The following AGAP1 variants were observed in gnomAD, a reference collection of about 807,000 sequenced individuals.
The protein encoded by AGAP1 is arf-GAP with GTPase, ANK repeat and PH domain-containing protein 1.
A neutral mutation model predicts 105.3 loss-of-function variants in AGAP1; 29 were observed. That is an observed-to-expected ratio of 0.28 (90% CI 0.21 to 0.38). The LOEUF (loss-of-function observed/expected upper bound fraction) is 0.38, where lower values mean the gene tolerates loss of function less well. Among genes scored for constraint, AGAP1 ranks in the 10% least tolerant of loss-of-function variants. AGAP1 has a pLI of 1.00. For synonymous variants in AGAP1, 509 were observed against 485.9 expected (o/e 1.05, Z -0.63); for missense variants, 998 against 1,165.1 (o/e 0.86, Z 2.09).
At chr2:235,758,905 G>A (rs1427434089) in intron 6 of AGAP1, among the ~76,000 whole-genome samples, 7 of 152,124 alleles carry the variant, frequency 4.6e-5, no homozygotes, top group East Asian at 3.9e-4. Flanking sequence ...CCGTCCTCCC[G>A]CCCCAGCCTC....
chr2:235,695,486 T>C (rs760382201), intron 1 of AGAP1, among the ~76,000 whole-genome samples: 4 of 152,196 alleles, frequency 2.6e-5, no homozygotes, highest in Non-Finnish European at 5.9e-5. Context: ...GTCAGTTACA[T>C]GGTGAACAGA....
intron 9 of AGAP1, among the ~76,000 whole-genome samples, chr2:235,862,674 T>G (rs2048979126): frequency 6.6e-6 from 1 of 152,264 alleles, no homozygotes; most frequent in South Asian, 2.1e-4. Flanking sequence ...TTTCTTTCTT[T>G]AATCAGGAGG....
intron 1 of AGAP1, among the ~76,000 whole-genome samples, chr2:235,605,521 C>G (rs1258307122): frequency 2.6e-5 from 4 of 152,232 alleles, no homozygotes; most frequent in Non-Finnish European, 4.4e-5. Context: ...ATCCCGGCAT[C>G]ATTTATCTTC....
At position 236,131,469 on chromosome 2, in the gene AGAP1, AT is replaced by A. The variant is rs2060082753; in HGVS notation, c.*7348del. 1 of 152,146 alleles carries A rather than the reference AT, an allele frequency of 6.6e-6. No homozygotes were observed. Among genetic ancestry groups the A allele is most frequent in the Non-Finnish European group, 1.5e-5 (1 of 68,032 alleles). The allele number at this position is 152,146 out of a possible 1,614,324, so 9.4% of individuals were successfully genotyped here. ...AGAGATGGAAGGGCAGCGTGGGTGT[AT>A]CCACAGATGGGTTTAGGTTTTTTTT... On this transcript the variant is annotated 3_prime_UTR_variant, in exon 18 of 18. Transcript: ENST00000304032. The surrounding 1 kb of genome is among the most constrained non-coding windows in gnomAD (Gnocchi z 5.9).
Position 235,723,119 on chromosome 2 carries a change from C to T in AGAP1, c.310+5475C>T, listed in dbSNP as rs1201760823. Reference sequence around the variant, plus strand: ...CTGGTGTTCTAGAACCTCACAAGGACTCATCGGCTGGCAGTGACCTTCACA... The same window carrying T: ...CTGGTGTTCTAGAACCTCACAAGGATTCATCGGCTGGCAGTGACCTTCACA... On this transcript the variant is annotated intron_variant, in intron 3 of 17. Coordinates refer to ENST00000304032, the MANE Select transcript of AGAP1 (RefSeq NM_001037131.3). This position sits in a 1 kb window ranked among gnomAD's most constrained non-coding sequence, Gnocchi z 6.2. Among the ~76,000 whole-genome samples the T allele has an allele frequency of 6.6e-6, 1 of 152,172 alleles. No homozygotes were observed. Among genetic ancestry groups the T allele is most frequent in the African/African-American group, 2.4e-5 (1 of 41,438 alleles).
Position 235,906,795 on chromosome 2 carries a change from CCTTTT to C in AGAP1, c.1156-1939_1156-1935del, listed in dbSNP as rs1288543439. On this transcript the variant is annotated intron_variant, in intron 10 of 17. Transcript: ENST00000304032. This position sits in a 1 kb window ranked among gnomAD's most constrained non-coding sequence, Gnocchi z 5.3. Reference sequence around the variant, plus strand: ...TGTGTACTTTGTGGCTTTTGTTGTGCCTTTTCTTCTATCAGCAAACATCTACTTGT... The same window carrying C: ...TGTGTACTTTGTGGCTTTTGTTGTGCCTTCTATCAGCAAACATCTACTTGT... 8.9e-4 allele frequency among the ~76,000 whole-genome samples: 134 copies of C among 150,362 alleles called. 4 individuals carry two copies. The South Asian group carries it at 0.027, about 31-fold the overall frequency.
In AGAP1 at chr2:236,061,713, G is replaced by A. The variant is rs1032032105; in HGVS notation, c.2114+12432G>A. ...GTGCAGGGGAGGGAGGGGCAGTGGC[G>A]TATACGGAGTGATTGCCTAATGAGT... On this transcript the variant is annotated intron_variant, in intron 16 of 17. Coordinates refer to ENST00000304032, the MANE Select transcript of AGAP1 (RefSeq NM_001037131.3). This position sits in a 1 kb window ranked among gnomAD's most constrained non-coding sequence, Gnocchi z 4.1. Among the ~76,000 whole-genome samples the A allele has an allele frequency of 3.3e-5, 5 of 152,164 alleles. No homozygotes were observed. The highest frequency in any genetic ancestry group is 2.1e-4 in the South Asian group (1 of 4,802).
At chr2:235,534,681 G>A (rs1371254862) in intron 1 of AGAP1, among the ~76,000 whole-genome samples, 3 of 152,158 alleles carry the variant, frequency 2.0e-5, no homozygotes, top group Non-Finnish European at 4.4e-5. Flanking sequence ...TTTCATTAAA[G>A]CCTCAGGGAT....
At chr2:235,990,193 CTGTTA>C in intron 13 of AGAP1, among the ~76,000 whole-genome samples, 1 of 152,284 alleles carries the variant, frequency 6.6e-6, no homozygotes, top group Non-Finnish European at 1.5e-5. Flanking sequence ...CAAATATTAT[CTGTTA>C]TGTCAAAGTT....
At chr2:235,526,217 T>G (rs933735803) in intron 1 of AGAP1, among the ~76,000 whole-genome samples, 1 of 151,294 alleles carries the variant, frequency 6.6e-6, no homozygotes, top group Admixed American at 6.6e-5. Context: ...GAGGACTGAT[T>G]TATAATGTGG....
At chr2:236,098,727 C>G (rs563756736) in intron 16 of AGAP1, among the ~76,000 whole-genome samples, 1 of 150,340 alleles carries the variant, frequency 6.7e-6, no homozygotes, top group African/African-American at 2.5e-5. Flanking sequence ...TGGGCTCAAG[C>G]GATCCCCCTG....
intron 12 of AGAP1, among the ~76,000 whole-genome samples, chr2:235,948,375 G>A (rs868379248): frequency 4.3e-4 from 66 of 152,114 alleles, no homozygotes; most frequent in African/African-American, 1.5e-3. Flanking sequence ...GTAGAAATGG[G>A]GGTTTCACCA....
rs1160057277 is a variant in AGAP1 at position 235,875,193 on chromosome 2, T to C, written c.1051-8152T>C. Reference sequence around the variant, plus strand: ...TTTCAACCTTACTGGTCCATGGCCCTGTCCTGTTTCTGTATCTGCCAACCA... The same window carrying C: ...TTTCAACCTTACTGGTCCATGGCCCCGTCCTGTTTCTGTATCTGCCAACCA... On this transcript the variant is annotated intron_variant, in intron 9 of 17. Coordinates refer to ENST00000304032, the MANE Select transcript of AGAP1 (RefSeq NM_001037131.3). This position sits in a 1 kb window ranked among gnomAD's most constrained non-coding sequence, Gnocchi z 4.0. Among the ~76,000 whole-genome samples, 2 of 152,232 alleles carry C rather than the reference T, an allele frequency of 1.3e-5. No individual in the cohort carries two copies. Among genetic ancestry groups the C allele is most frequent in the African/African-American group, 2.4e-5 (1 of 41,446 alleles).
intron 6 of AGAP1, among the ~76,000 whole-genome samples, chr2:235,772,076 A>G (rs1575412384): frequency 1.4e-5 from 2 of 147,584 alleles, no homozygotes; most frequent in Non-Finnish European, 3.0e-5. Context: ...GCTTACTGCA[A>G]CCTCCGCCTC....
rs11388954 is a variant in AGAP1, at chr2:235,730,477, TA to T, written c.311-10465del. ...TTGCAATGCTCTTTTGTTTACCTTT[TA>T]AAAAAAAAAAAAAAAAAAAACGAGA... On this transcript the variant is annotated intron_variant, in intron 3 of 17. Coordinates refer to ENST00000304032, the MANE Select transcript of AGAP1 (RefSeq NM_001037131.3). Among the ~76,000 whole-genome samples the T allele has an allele frequency of 4.9e-3, 609 of 123,860 alleles. 5 individuals are homozygous for T. The highest frequency in any genetic ancestry group is 4.8e-3 in the Non-Finnish European group (294 of 61,252). 81.3% of individuals were successfully genotyped at this position (123,860 alleles called of 152,430 possible). A position where few individuals can be genotyped will look rare whatever the true frequency, so the allele number is the denominator to read the frequency against.
chr2:236,127,168 G>A lies in AGAP1; in HGVS notation c.*3046G>A, dbSNP rs565106325. On this transcript the variant is annotated 3_prime_UTR_variant, in exon 18 of 18. Transcript: ENST00000304032. The surrounding 1 kb of genome is among the most constrained non-coding windows in gnomAD (Gnocchi z 6.6). ...CAGCTTCGCGGAGACTGAACTTGGC[G>A]GGGAGTGGAGGGGTGTGGTGCAGAC... The A allele has an allele frequency of 2.6e-5, 4 of 152,366 alleles. No homozygotes were observed. Among genetic ancestry groups the A allele is most frequent in the Non-Finnish European group, 5.9e-5 (4 of 68,062 alleles). The allele number at this position is 152,366 out of a possible 1,614,324, so 9.4% of individuals were successfully genotyped here. A position where few individuals can be genotyped will look rare whatever the true frequency, so the allele number is the denominator to read the frequency against.
rs1202277846 is a variant in AGAP1 at position 235,754,471 on chromosome 2, C to G, written c.673+3983C>G. On this transcript the variant is annotated intron_variant, in intron 6 of 17. Transcript: ENST00000304032. This position sits in a 1 kb window ranked among gnomAD's most constrained non-coding sequence, Gnocchi z 4.6. ...AGCTGCTTCCATTGCCCTGCGGAGG[C>G]CATGTTCCTGATTGGCTCTGTACCG... Among the ~76,000 whole-genome samples the G allele has an allele frequency of 6.6e-6, 1 of 151,788 alleles. No individual in the cohort carries two copies.
At chr2:235,852,010 A>G (rs542298731) in intron 9 of AGAP1, among the ~76,000 whole-genome samples, 4 of 152,196 alleles carry the variant, frequency 2.6e-5, no homozygotes, top group Non-Finnish European at 5.9e-5. Flanking sequence ...TCCGCTGAAT[A>G]GAGCCCATTG....
rs1943829514 is a variant in AGAP1, at chr2:235,552,040, C to T, written c.163+57191C>T. On this transcript the variant is annotated intron_variant, in intron 1 of 17. Coordinates refer to ENST00000304032, the MANE Select transcript of AGAP1 (RefSeq NM_001037131.3). This position sits in a 1 kb window ranked among gnomAD's most constrained non-coding sequence, Gnocchi z 5.9. Reference sequence around the variant, plus strand: ...TGTTTTTTTCTCTGGTCCCTGCCACCTGCTGGAAGGAGCCTGCAGGGAACT... The same window carrying T: ...TGTTTTTTTCTCTGGTCCCTGCCACTTGCTGGAAGGAGCCTGCAGGGAACT... Among the ~76,000 whole-genome samples, 1 of 152,236 alleles carries T rather than the reference C, an allele frequency of 6.6e-6. No individual in the cohort carries two copies. Among genetic ancestry groups the T allele is most frequent in the Admixed American group, 6.5e-5 (1 of 15,284 alleles).
Sources: gnomAD v4.1 joint callset for allele counts (sites outside exome capture counted in the v4.1 genomes callset) on GRCh38, gnomAD v4.1.1 for gene constraint, Gnocchi (gnomAD v3.1) non-coding constraint, MANE v1.5 for transcripts, NCBI Gene and HGNC (gene_info 2026-07-23, HGNC 2026-07-21) for gene names.